Variants in MRTFA observed in about 807,000 individuals in gnomAD.
MRTFA encodes myocardin related transcription factor A, also known as myocardin-related transcription factor A.
Under a neutral mutation model 83.5 loss-of-function variants are expected in MRTFA, and 20 were observed. That is an observed-to-expected ratio of 0.24 (90% CI 0.17 to 0.35). MRTFA has a LOEUF of 0.35. MRTFA is among the 10% of genes least tolerant of loss of function. The probability of loss-of-function intolerance (pLI) is 1.00; values close to 1 mark genes in which losing one functional copy is unlikely to be tolerated. For synonymous variants in MRTFA, 659 were observed against 541.2 expected (o/e 1.22, Z -3.02); for missense variants, 1,200 against 1,224.7 (o/e 0.98, Z 0.30).
intron 3 of MRTFA, chr22:40,533,706 C>G: frequency 1.0e-6 from 1 of 966,092 alleles, no homozygotes; most frequent in Non-Finnish European, 1.3e-6. Flanking sequence ...GAAAAGCTGT[C>G]TTGAAAGCTT....
At chr22:40,526,017 C>CTT (rs879551118) in intron 3 of MRTFA, among the ~76,000 whole-genome samples, 2 of 143,834 alleles carry the variant, frequency 1.4e-5, no homozygotes, top group African/African-American at 5.1e-5. Context: ...AAAAAAGTAA[C>CTT]TTTTTTTTTT....
intron 3 of MRTFA, among the ~76,000 whole-genome samples, chr22:40,468,279 G>A (rs1028070824): frequency 6.6e-6 from 1 of 152,178 alleles, no homozygotes; most frequent in African/African-American, 2.4e-5. Context: ...CTCTTCCACC[G>A]GTCATTTGTC....
At chr22:40,525,056 C>T (rs890491713) in intron 3 of MRTFA, among the ~76,000 whole-genome samples, 2 of 152,050 alleles carry the variant, frequency 1.3e-5, no homozygotes, top group African/African-American at 2.4e-5. Flanking sequence ...GTGATCCGCC[C>T]GCCCCAGCCT....
intron 2 of MRTFA, among the ~76,000 whole-genome samples, chr22:40,579,034 G>A (rs1432246190): frequency 6.6e-6 from 1 of 152,216 alleles, no homozygotes; most frequent in Non-Finnish European, 1.5e-5. Flanking sequence ...TTTGAGCCCA[G>A]GAGCTCAAGA....
chr22:40,535,812 G>A (rs1251377193), intron 3 of MRTFA, among the ~76,000 whole-genome samples: 4 of 152,288 alleles, frequency 2.6e-5, no homozygotes, highest in East Asian at 3.9e-4. Context: ...TGCCAAAACT[G>A]TTCGCCATAG....
chr22:40,451,291 G>A (rs2053481093), intron 4 of MRTFA, among the ~76,000 whole-genome samples: 2 of 152,138 alleles, frequency 1.3e-5, no homozygotes, highest in Admixed American at 1.3e-4. Flanking sequence ...CATGATAAAT[G>A]AGCACCAAAA....
chr22:40,470,052 C>T (rs1338123878), intron 3 of MRTFA, among the ~76,000 whole-genome samples: 1 of 151,136 alleles, frequency 6.6e-6, no homozygotes, highest in Non-Finnish European at 1.5e-5. Context: ...GGTGAAACCC[C>T]GTCTCCACTA....
At chr22:40,570,669 G>T (rs1003835775) in intron 2 of MRTFA, among the ~76,000 whole-genome samples, 3 of 150,942 alleles carry the variant, frequency 2.0e-5, no homozygotes, top group Non-Finnish European at 4.4e-5. Flanking sequence ...ATATGAGATG[G>T]TTGGAGTACA....
chr22:40,584,220 C>T (rs140228877), intron 2 of MRTFA, among the ~76,000 whole-genome samples: 2 of 152,178 alleles, frequency 1.3e-5, no homozygotes, highest in African/African-American at 4.8e-5. Context: ...CTAAAGTGTC[C>T]AATGGTTTCC....
chr22:40,500,011 C>T (rs1043908538), intron 3 of MRTFA, among the ~76,000 whole-genome samples: 3 of 144,098 alleles, frequency 2.1e-5, no homozygotes, highest in South Asian at 2.2e-4. Context: ...CTCACCGCAA[C>T]GTCCGCCTCC....
intron 1 of MRTFA, among the ~76,000 whole-genome samples, chr22:40,618,102 T>G (rs1602501262): frequency 1.4e-5 from 2 of 147,854 alleles, no homozygotes; most frequent in East Asian, 2.0e-4. Flanking sequence ...TGAGACGGAG[T>G]CTCGCTCTGT....
chr22:40,539,621 G>A (rs1455666969), intron 3 of MRTFA, among the ~76,000 whole-genome samples: 1 of 151,788 alleles, frequency 6.6e-6, no homozygotes, highest in East Asian at 2.0e-4. Context: ...TCCTGCCTCA[G>A]CCTCCCGAGT....
intron 2 of MRTFA, among the ~76,000 whole-genome samples, chr22:40,586,000 T>C (rs1471728348): frequency 6.6e-6 from 1 of 152,214 alleles, no homozygotes; most frequent in Non-Finnish European, 1.5e-5. Flanking sequence ...TATTATTTCA[T>C]GAAACTTTTG....
chr22:40,628,199 T>G (rs1799775227), intron 1 of MRTFA, among the ~76,000 whole-genome samples: 1 of 152,194 alleles, frequency 6.6e-6, no homozygotes, highest in South Asian at 2.1e-4. Flanking sequence ...GATTATTAAC[T>G]CTAGTTTACA....
At chr22:40,502,902 G>A (rs2054519837) in intron 3 of MRTFA, among the ~76,000 whole-genome samples, 2 of 152,126 alleles carry the variant, frequency 1.3e-5, no homozygotes, top group South Asian at 4.1e-4. Context: ...TAACTGTCAC[G>A]CTTCCAGGAA....
At chr22:40,609,497 A>AC (rs1569351010) in intron 1 of MRTFA, among the ~76,000 whole-genome samples, 1 of 151,456 alleles carries the variant, frequency 6.6e-6, no homozygotes, top group Non-Finnish European at 1.5e-5. Flanking sequence ...AAAAAAAAAA[A>AC]AAAAAAACAC....
chr22:40,490,833 T>C (rs1298609378), intron 3 of MRTFA, among the ~76,000 whole-genome samples: 1 of 152,194 alleles, frequency 6.6e-6, no homozygotes, highest in African/African-American at 2.4e-5. Flanking sequence ...TAAATTCTGA[T>C]AGTAGATAAT....
chr22:40,452,874 ATTC>A (rs933144183), intron 4 of MRTFA, among the ~76,000 whole-genome samples: 2 of 151,784 alleles, frequency 1.3e-5, no homozygotes, highest in Admixed American at 6.6e-5. Flanking sequence ...TCATGGTTGG[ATTC>A]TTCTTCGGAC....
chr22:40,435,701 G>A (rs933730219), intron 4 of MRTFA, 147 bp from the exon 5 acceptor site: 30 of 778,460 alleles, frequency 3.9e-5, no homozygotes, highest in Non-Finnish European at 5.8e-5. Flanking sequence ...GGGAGGCTGA[G>A]GCAGGCAGAT....
Sources: allele counts gnomAD v4.1 joint callset (sites outside exome capture counted in the v4.1 genomes callset), GRCh38; gene constraint gnomAD v4.1.1; transcripts MANE v1.5; gene names NCBI Gene and HGNC (gene_info 2026-07-23, HGNC 2026-07-21).